F10: variants seen among roughly 807,000 people sequenced by gnomAD.
F10 encodes the protein Stuart-Prower factor.
In F10, 29 loss-of-function variants were observed where a neutral mutation model predicts 37.1. The ratio of observed to expected loss-of-function variants is 0.78; its 90% CI spans 0.58 to 1.07. F10 has a LOEUF of 1.07. Ranked by LOEUF, F10 falls within the 50% of genes least tolerant of loss-of-function variation. The probability of loss-of-function intolerance (pLI) is 0.00; values close to 1 mark genes in which losing one functional copy is unlikely to be tolerated. For synonymous variants in F10, 262 were observed against 268.6 expected (o/e 0.98, Z 0.24); for missense variants, 539 against 667.9 (o/e 0.81, Z 2.13).
chr13:113,147,341 C>A, intron 6 of F10, 38 bp from the exon 7 acceptor site: 2 of 1,444,814 alleles, frequency 1.4e-6, no homozygotes, highest in Non-Finnish European at 2.0e-6. Flanking sequence ...CACCTGTCCA[C>A]CTGGCCAGCC....
At chr13:113,131,347 T>C (rs932108651) in intron 2 of F10, 2 of 152,194 alleles carry the variant, frequency 1.3e-5, no homozygotes, top group Non-Finnish European at 2.9e-5. Context: ...ACTGTCATGA[T>C]CTCATTGAAA....
intron 2 of F10, among the ~76,000 whole-genome samples, chr13:113,134,816 T>A (rs80240434): frequency 1.3e-5 from 2 of 152,242 alleles, no homozygotes; most frequent in Non-Finnish European, 2.9e-5. Context: ...TATACTTATA[T>A]GTAAAGCTAA....
rs950697737 is a variant in F10, at chr13:113,141,333, G to A, written c.502+283G>A. 6.6e-6 allele frequency among the ~76,000 whole-genome samples: 1 copy of A among 152,176 alleles called. No individual in the cohort carries two copies. The highest frequency in any genetic ancestry group is 2.4e-5 in the African/African-American group (1 of 41,428). ...GACCAACACTATTGCCTGACTGCTT[G>A]GGTGATCCCTGGAGCACTTTGCATG... On this transcript the variant is annotated intron_variant, in intron 5 of 7. Transcript: ENST00000375559. This position sits in a 1 kb window ranked among gnomAD's most constrained non-coding sequence, Gnocchi z 5.4.
chr13:113,125,718 C>T (rs1380571690), intron 1 of F10, among the ~76,000 whole-genome samples: 1 of 152,248 alleles, frequency 6.6e-6, no homozygotes, highest in Non-Finnish European at 1.5e-5. Context: ...CAGATTCAGT[C>T]CAGAGGGCTG....
chr13:113,136,839 A>G (rs1283702334), intron 2 of F10, among the ~76,000 whole-genome samples: 1 of 40,408 alleles, frequency 2.5e-5, no homozygotes, highest in African/African-American at 5.9e-5. Context: ...TTTAGTAGAG[A>G]CGGGGTTTCA....
At chr13:113,148,345 A>AAAAATATATAT (rs1300922846) in intron 7 of F10, among the ~76,000 whole-genome samples, 12 of 95,414 alleles carry the variant, frequency 1.3e-4, no homozygotes, top group African/African-American at 4.4e-4. Context: ...AAAAAAAAAA[A>AAAAATATATAT]ATATATATAT....
chr13:113,133,635 C>T (rs2036453590), intron 2 of F10, among the ~76,000 whole-genome samples: 1 of 152,188 alleles, frequency 6.6e-6, no homozygotes, highest in Admixed American at 6.5e-5. Flanking sequence ...CTATACAACT[C>T]TTCCAGAACA....
At position 113,146,039 on chromosome 13, in the gene F10, C is replaced by T. The variant is rs1327029736; in HGVS notation, c.748-1340C>T. 5.3e-5 allele frequency among the ~76,000 whole-genome samples: 8 copies of T among 152,148 alleles called. No individual in the cohort carries two copies. The highest frequency in any genetic ancestry group is 3.8e-4 in the East Asian group (2 of 5,196). The stretch of plus-strand genomic sequence containing the variant: ...AGCAAGAATCTCAGAGCTGCCAGCG[C>T]CCCCATGAATTCCCCCAGGTCTTCC... On this transcript the variant is annotated intron_variant, in intron 6 of 7. Coordinates refer to ENST00000375559, the MANE Select transcript of F10 (RefSeq NM_000504.4). The surrounding 1 kb of genome is among the most constrained non-coding windows in gnomAD (Gnocchi z 4.5).
intron 2 of F10, chr13:113,130,814 C>G (rs893238766): frequency 2.0e-5 from 3 of 152,194 alleles, no homozygotes; most frequent in Non-Finnish European, 4.4e-5. Flanking sequence ...GGTGAAGTTA[C>G]AAGTTATGGC....
In F10 at chr13:113,141,140, G is replaced by A. The variant is rs2036524397; in HGVS notation, c.502+90G>A. 2 of 1,571,686 alleles carry A rather than the reference G, an allele frequency of 1.3e-6. No individual in the cohort carries two copies. The highest frequency in any genetic ancestry group is 1.8e-5 in the Admixed American group (1 of 56,792). ...TGCCAGGGGGTGGGGACACAGGCATGTTCTGGGCGGGCCTGGCAGGTAACA... is the reference window on the plus strand; with the variant it reads ...TGCCAGGGGGTGGGGACACAGGCATATTCTGGGCGGGCCTGGCAGGTAACA... On this transcript the variant is annotated intron_variant, in intron 5 of 7. Transcript: ENST00000375559. This position sits in a 1 kb window ranked among gnomAD's most constrained non-coding sequence, Gnocchi z 5.4.
rs1175174049 is a variant in F10 at position 113,144,358 on chromosome 13, C to T, written c.747+263C>T. The T allele has an allele frequency of 3.5e-6, 2 of 574,710 alleles. No individual in the cohort carries two copies. Among genetic ancestry groups the T allele is most frequent in the East Asian group, 6.0e-5 (2 of 33,574 alleles). 35.6% of individuals were successfully genotyped at this position (574,710 alleles called of 1,614,324 possible). A position where few individuals can be genotyped will look rare whatever the true frequency, so the allele number is the denominator to read the frequency against. ...CCCCCCTCAGCCCCTTCCCACTGGG[C>T]ATTTCCATGGCTGCCCGTGGCATGC... On this transcript the variant is annotated intron_variant, in intron 6 of 7. Coordinates refer to ENST00000375559, the MANE Select transcript of F10 (RefSeq NM_000504.4). The surrounding 1 kb of genome is among the most constrained non-coding windows in gnomAD (Gnocchi z 6.4).
chr13:113,129,228 A>G (rs189819719), intron 1 of F10, among the ~76,000 whole-genome samples: 2 of 152,292 alleles, frequency 1.3e-5, no homozygotes, highest in Admixed American at 6.5e-5. Context: ...GCTTCCCCTC[A>G]TGGCCTCAAC....
chr13:113,148,163 C>T (rs1410502604), intron 7 of F10, among the ~76,000 whole-genome samples: 1 of 151,730 alleles, frequency 6.6e-6, no homozygotes, highest in African/African-American at 2.4e-5. Context: ...AACCCCATCT[C>T]TACTAAAAAA....
chr13:113,140,689 AG>A (rs2036519279), intron 4 of F10: 1 of 695,318 alleles, frequency 1.4e-6, no homozygotes, highest in African/African-American at 1.8e-5. Flanking sequence ...TGTGAGGGGC[AG>A]GTACCTGGAG....
rs748541174 is a variant in F10 at position 113,144,008 on chromosome 13, C to T, written c.660C>T (p.Phe220=). 1.2e-6 allele frequency: 2 copies of T among 1,613,756 alleles called. No homozygotes were observed. The highest frequency in any genetic ancestry group is 1.7e-5 in the Admixed American group (1 of 59,996). ...PTENPFDLLD[F]NQTQPERGDN... is the part of the protein sequence containing the mutation. ...AGAACCCCTTCGACCTGCTTGACTT[C>T]AACCAGACGCAGCCTGAGAGGGGCG... is the stretch of plus-strand genomic sequence containing the variant. Residue 220 remains phenylalanine, a synonymous_variant, in exon 6 of 8, where the codon TTC becomes TTT. Coordinates refer to ENST00000375559, the MANE Select transcript of F10 (RefSeq NM_000504.4). The surrounding 1 kb of genome is among the most constrained non-coding windows in gnomAD (Gnocchi z 6.4).
intron 1 of F10, among the ~76,000 whole-genome samples, chr13:113,125,454 T>C (rs2036361480): frequency 6.6e-6 from 1 of 152,222 alleles, no homozygotes; most frequent in Non-Finnish European, 1.5e-5. Context: ...TGCTCGAGGA[T>C]TGCAATGCTC....
chr13:113,127,848 G>C (rs2036385134), intron 1 of F10, among the ~76,000 whole-genome samples: 4 of 152,156 alleles, frequency 2.6e-5, no homozygotes, highest in Admixed American at 2.6e-4. Flanking sequence ...AAGACGAGTG[G>C]GGCCAGGCTG....
intron 2 of F10, among the ~76,000 whole-genome samples, chr13:113,135,941 T>TA (rs1345381121): frequency 1.3e-5 from 2 of 152,092 alleles, no homozygotes; most frequent in African/African-American, 4.8e-5. Context: ...TAAACACTGT[T>TA]AAGAGGATGA....
intron 6 of F10, among the ~76,000 whole-genome samples, 184 bp from the exon 7 acceptor site, chr13:113,147,195 G>A (rs548646346): frequency 1.3e-5 from 2 of 152,338 alleles, no homozygotes; most frequent in Admixed American, 1.3e-4. Flanking sequence ...CTATATCAGT[G>A]AGTGTGTGGC....
Sources: gnomAD v4.1 joint callset for allele counts (sites outside exome capture counted in the v4.1 genomes callset) on GRCh38, gnomAD v4.1.1 for gene constraint, Gnocchi (gnomAD v3.1) non-coding constraint, MANE v1.5 for transcripts, NCBI Gene and HGNC (gene_info 2026-07-23, HGNC 2026-07-21) for gene names.